The following CRACR2A variants were observed in gnomAD, a reference collection of about 807,000 sequenced individuals.
The protein encoded by CRACR2A is EF-hand calcium-binding domain-containing protein 4B.
CRACR2A carries 79 observed loss-of-function variants against 90.5 expected under a neutral mutation model. That is an observed-to-expected ratio of 0.87 (90% CI 0.73 to 1.05). The LOEUF (loss-of-function observed/expected upper bound fraction) is 1.05. Ranked by LOEUF, CRACR2A falls within the 50% of genes least tolerant of loss-of-function variation. The pLI, the probability that CRACR2A is intolerant of heterozygous loss-of-function variation, is 0.00. For synonymous variants in CRACR2A, 338 were observed against 356.7 expected (o/e 0.95, Z 0.59); for missense variants, 823 against 897.2 (o/e 0.92, Z 1.06).
intron 8 of CRACR2A, among the ~76,000 whole-genome samples, chr12:3,657,442 G>T (rs937870058): frequency 6.6e-6 from 1 of 152,212 alleles, no homozygotes; most frequent in Admixed American, 6.5e-5. Flanking sequence ...GCAGCGCGGT[G>T]GGGGAACACG....
intron 6 of CRACR2A, among the ~76,000 whole-genome samples, chr12:3,673,932 C>T (rs1945297265): frequency 6.6e-6 from 1 of 152,166 alleles, no homozygotes; most frequent in Admixed American, 6.5e-5. Flanking sequence ...CGGTGTTGGC[C>T]TCCTTCCCCA....
chr12:3,635,709 T>C (rs1052082683), intron 14 of CRACR2A, among the ~76,000 whole-genome samples: 4 of 152,180 alleles, frequency 2.6e-5, no homozygotes, highest in Admixed American at 6.5e-5. Flanking sequence ...TCTTCCCATG[T>C]TGCTTAGGCT....
chr12:3,702,637 G>T (rs1378309481), intron 3 of CRACR2A, among the ~76,000 whole-genome samples: 2 of 152,116 alleles, frequency 1.3e-5, no homozygotes. Flanking sequence ...AGAATACAAA[G>T]AAGACCTAAA....
At chr12:3,705,318 A>T (rs1322261807) in intron 3 of CRACR2A, among the ~76,000 whole-genome samples, 1 of 152,260 alleles carries the variant, frequency 6.6e-6, no homozygotes, top group Non-Finnish European at 1.5e-5. Context: ...TTTCCCAGAT[A>T]TCCAAGGTAA....
intron 13 of CRACR2A, 116 bp downstream of exon 13, chr12:3,641,616 A>G: frequency 1.3e-6 from 1 of 796,556 alleles, no homozygotes; most frequent in South Asian, 1.7e-5. Flanking sequence ...GAGTGAGTGC[A>G]GCTGACCTCA....
intron 1 of CRACR2A, among the ~76,000 whole-genome samples, chr12:3,735,077 A>T (rs1946428701): frequency 7.5e-6 from 1 of 134,106 alleles, no homozygotes; most frequent in Non-Finnish European, 1.6e-5. Context: ...CTAACTTTAT[A>T]AAAAAAATTT....
In CRACR2A at chr12:3,633,645, A is replaced by C; in HGVS notation, c.1694T>G (p.Phe565Cys). The C allele has an allele frequency of 6.4e-7, 1 of 1,551,712 alleles. No homozygotes were observed. The highest frequency in any genetic ancestry group is 1.2e-5 in the South Asian group (1 of 84,064). Residue 565 changes from phenylalanine (F) to cysteine (C), a missense_variant, in exon 15 of 20, where the codon TTC becomes TGC. Phe to Cys is a radical substitution (Grantham distance 205, BLOSUM62 -2). Transcript: ENST00000440314. The surrounding 1 kb of genome is among the most constrained non-coding windows in gnomAD (Gnocchi z 4.5). ...AVGKTSFLRR[F>C]CEDRFSPGMA... is the part of the protein sequence containing the mutation. Reference sequence around the variant, plus strand: ...GCCTGGGGAGAACCGGTCCTCACAGAATCTCCTCAGGAAGGATGTCTTCCC... The same window carrying C: ...GCCTGGGGAGAACCGGTCCTCACAGCATCTCCTCAGGAAGGATGTCTTCCC...
chr12:3,625,667 T>C (rs1944243531), intron 17 of CRACR2A, among the ~76,000 whole-genome samples: 1 of 149,932 alleles, frequency 6.7e-6, no homozygotes, highest in South Asian at 2.2e-4. Context: ...AAATTGTAGC[T>C]GACCTCCAAT....
At chr12:3,732,099 T>C (rs1220472267) in intron 2 of CRACR2A, 2 of 150,198 alleles carry the variant, frequency 1.3e-5, no homozygotes, top group African/African-American at 5.1e-5. Flanking sequence ...GTACCCGCCA[T>C]TGCTCCTTCT....
At chr12:3,686,099 G>A (rs1372095897) in intron 4 of CRACR2A, among the ~76,000 whole-genome samples, 1 of 152,210 alleles carries the variant, frequency 6.6e-6, no homozygotes, top group African/African-American at 2.4e-5. Flanking sequence ...GTAGCCTAGA[G>A]GGGTTAAGAG....
At chr12:3,691,232 A>G (rs1945645658) in intron 4 of CRACR2A, among the ~76,000 whole-genome samples, 2 of 148,738 alleles carry the variant, frequency 1.3e-5, no homozygotes, top group Admixed American at 1.3e-4. Context: ...TGGTTGCTGT[A>G]TAGTTTCACT....
intron 13 of CRACR2A, chr12:3,640,734 G>C (rs1013606735): frequency 2.0e-5 from 26 of 1,305,206 alleles, no homozygotes; most frequent in Non-Finnish European, 2.5e-5. Context: ...GGTCTCTCTG[G>C]GTCTGATACT....
At chr12:3,632,897 A>G (rs1192481139) in intron 15 of CRACR2A, among the ~76,000 whole-genome samples, 1 of 152,218 alleles carries the variant, frequency 6.6e-6, no homozygotes, top group Non-Finnish European at 1.5e-5. Context: ...CTGTTGAGTG[A>G]TTCAAGCTGA....
chr12:3,680,972 A>G (rs552681167), intron 4 of CRACR2A, among the ~76,000 whole-genome samples: 15 of 152,384 alleles, frequency 9.8e-5, no homozygotes, highest in Admixed American at 2.0e-4. Context: ...AGGCCCCTCA[A>G]GGAAGTACGT....
rs748462070 is a variant in CRACR2A, at chr12:3,619,272, G to A, written c.2033C>T (p.Thr678Met). 18 of 1,550,374 alleles carry A rather than the reference G, an allele frequency of 1.2e-5. No individual in the cohort carries two copies. Among genetic ancestry groups the A allele is most frequent in the Middle Eastern group, 1.7e-4 (1 of 6,012 alleles). The change falls in exon 18 of 20, where the codon ACG becomes ATG. Residue 678 changes from threonine (T) to methionine (M), a missense_variant and splice_region_variant. By Grantham distance (81) the Thr-to-Met change is moderately conservative. Transcript: ENST00000440314. ...VPRGLGEQLA[T>M]ENNLIFYECS... ...GAGATGGAAATGCTTGCTCTTTACC[G>A]TGGCAAGCTGCTCTCCGAGGCCCCG...
chr12:3,670,394 C>T (rs1945218579), intron 7 of CRACR2A, among the ~76,000 whole-genome samples: 1 of 152,178 alleles, frequency 6.6e-6, no homozygotes, highest in African/African-American at 2.4e-5. Context: ...CCAAGAGATT[C>T]CTCCCACTTC....
chr12:3,648,782 A>G (rs1029678626), intron 10 of CRACR2A, among the ~76,000 whole-genome samples, 169 bp from the exon 11 acceptor site: 5 of 152,196 alleles, frequency 3.3e-5, no homozygotes, highest in African/African-American at 1.2e-4. Flanking sequence ...TGGGCATCAC[A>G]CATGGCCAAT....
intron 17 of CRACR2A, among the ~76,000 whole-genome samples, chr12:3,624,324 G>A (rs1266723341): frequency 4.6e-5 from 7 of 152,202 alleles, no homozygotes; most frequent in African/African-American, 1.4e-4. Flanking sequence ...GAGGGAGTTG[G>A]TAAAGTGCTC....
At chr12:3,709,288 A>C (rs1478810984) in intron 3 of CRACR2A, among the ~76,000 whole-genome samples, 3 of 152,262 alleles carry the variant, frequency 2.0e-5, no homozygotes, top group Non-Finnish European at 2.9e-5. Context: ...CAAATGTTTA[A>C]GGAAATGAAA....
Sources: gnomAD v4.1 joint callset for allele counts (sites outside exome capture counted in the v4.1 genomes callset) on GRCh38, gnomAD v4.1.1 for gene constraint, Gnocchi (gnomAD v3.1) non-coding constraint, MANE v1.5 for transcripts, NCBI Gene and HGNC (gene_info 2026-07-23, HGNC 2026-07-21) for gene names.